ADAMTSL1: variants seen among roughly 807,000 people sequenced by gnomAD.
ADAMTSL1 encodes ADAMTS like 1.
ADAMTSL1 carries 126 observed loss-of-function variants against 201.8 expected under a neutral mutation model. That is an observed-to-expected ratio of 0.62 (90% confidence interval 0.54 to 0.72). ADAMTSL1 has a LOEUF of 0.72. Among genes scored for constraint, ADAMTSL1 ranks in the 30% least tolerant of loss-of-function variants. The pLI, the probability that ADAMTSL1 is intolerant of heterozygous loss-of-function variation, is 0.00. For synonymous variants in ADAMTSL1, 1,121 were observed against 903.4 expected, an observed-to-expected ratio of 1.24 and a Z score of -4.32; for missense variants, 2,679 against 2,277.8, an observed-to-expected ratio of 1.18 and a Z score of -3.59.
chr9:18,065,512 C>G (rs1386056771), intron 1 of ADAMTSL1, among the ~76,000 whole-genome samples: 1 of 152,132 alleles, frequency 6.6e-6, no homozygotes, highest in Non-Finnish European at 1.5e-5. Context: ...TAAAAGTGAA[C>G]TTTATATCAC....
At chr9:18,171,079 T>A (rs553162944) in intron 2 of ADAMTSL1, among the ~76,000 whole-genome samples, 14 of 152,078 alleles carry the variant, frequency 9.2e-5, no homozygotes, top group Non-Finnish European at 1.2e-4. Flanking sequence ...ATAACCAGAA[T>A]GATTTTGAAG....
At chr9:18,554,156 T>C (rs1175835263) in intron 3 of ADAMTSL1, among the ~76,000 whole-genome samples, 1 of 151,480 alleles carries the variant, frequency 6.6e-6, no homozygotes, top group African/African-American at 2.4e-5. Flanking sequence ...TGCATGTATA[T>C]GAGTTCTGTT....
chr9:18,099,432 C>G (rs1824417973), intron 1 of ADAMTSL1, among the ~76,000 whole-genome samples: 1 of 137,066 alleles, frequency 7.3e-6, no homozygotes, highest in Non-Finnish European at 1.5e-5. Context: ...GGTTCATATT[C>G]TCAGATATGA....
At chr9:18,598,837 A>C (rs954549736) in intron 4 of ADAMTSL1, among the ~76,000 whole-genome samples, 2 of 150,052 alleles carry the variant, frequency 1.3e-5, no homozygotes, top group African/African-American at 4.9e-5. Context: ...CAGCGTTACA[A>C]GTGATTTAAG....
intron 21 of ADAMTSL1, among the ~76,000 whole-genome samples, chr9:18,825,671 C>G (rs1386666781): frequency 6.6e-6 from 1 of 152,106 alleles, no homozygotes; most frequent in Non-Finnish European, 1.5e-5. Flanking sequence ...GGTCAAGACA[C>G]AGAGCATCGC....
rs144453631 is a variant in ADAMTSL1, at chr9:18,039,583, C to G, written c.88-124279C>G. Among the ~76,000 whole-genome samples the G allele has an allele frequency of 3.3e-3, 505 of 152,198 alleles. 4 individuals carry two copies. The highest frequency in any genetic ancestry group is 0.012 in the African/African-American group (479 of 41,516). On this transcript the variant is annotated intron_variant, in intron 1 of 29. Coordinates refer to the ADAMTSL1 transcript ENST00000680146. ...TTTTCACAAGGAGCTTTTCTTCTCA[C>G]AATGCATTGAGCAAATTAACTGAGT... is the stretch of plus-strand genomic sequence containing the variant.
chr9:18,395,888 T>C lies in ADAMTSL1; in HGVS notation c.208-108941T>C, dbSNP rs140533907. 2.2e-3 allele frequency among the ~76,000 whole-genome samples: 335 copies of C among 152,348 alleles called. 2 individuals are homozygous for C. Among genetic ancestry groups the C allele is most frequent in the Admixed American group, 3.2e-3 (49 of 15,288 alleles). On this transcript the variant is annotated intron_variant, in intron 2 of 29. Coordinates refer to the ADAMTSL1 transcript ENST00000680146. ...GTCATTTTTCTGCATGGGTAATATA[T>C]ACATCAAAGAGGAAGTACAAGACCC...
intron 2 of ADAMTSL1, among the ~76,000 whole-genome samples, chr9:18,511,641 A>G (rs1472392925): frequency 6.6e-6 from 1 of 152,200 alleles, no homozygotes; most frequent in Non-Finnish European, 1.5e-5. Context: ...AGGAAAGATC[A>G]TTCTAAAGGT....
intron 1 of ADAMTSL1, among the ~76,000 whole-genome samples, chr9:18,011,013 A>G (rs1053753041): frequency 5.3e-5 from 8 of 151,966 alleles, no homozygotes; most frequent in Admixed American, 2.0e-4. Context: ...GACATGGCCC[A>G]TGTGGCAAGT....
chr9:18,295,639 C>T (rs1163461613), intron 2 of ADAMTSL1, among the ~76,000 whole-genome samples: 2 of 152,134 alleles, frequency 1.3e-5, no homozygotes, highest in African/African-American at 2.4e-5. Flanking sequence ...TGCCCGGCTG[C>T]AACTGTTATT....
intron 2 of ADAMTSL1, among the ~76,000 whole-genome samples, chr9:18,428,600 C>T (rs1453503717): frequency 6.6e-6 from 1 of 151,938 alleles, no homozygotes; most frequent in Non-Finnish European, 1.5e-5. Context: ...AGCCAAGACC[C>T]TGTCTCAAAA....
intron 26 of ADAMTSL1, among the ~76,000 whole-genome samples, chr9:18,895,441 A>G (rs1301553498): frequency 3.0e-5 from 1 of 33,704 alleles, no homozygotes; most frequent in Non-Finnish European, 6.5e-5. Flanking sequence ...CCTCCCCCCA[A>G]TGTGGCATGG....
intron 2 of ADAMTSL1, among the ~76,000 whole-genome samples, chr9:18,391,878 G>A (rs1838064275): frequency 7.4e-6 from 1 of 135,406 alleles, no homozygotes; most frequent in East Asian, 2.3e-4. Context: ...AGCCTGGAGT[G>A]CAGTGGCATG....
intron 2 of ADAMTSL1, among the ~76,000 whole-genome samples, chr9:18,373,736 G>A (rs1417041): frequency 0.97 from 147,173 of 152,270 alleles, 71,262 homozygotes; most frequent in East Asian, 1. Context: ...AGGACATAGC[G>A]TTGTCCCATT....
chr9:18,318,757 T>G (rs778534151), intron 2 of ADAMTSL1, among the ~76,000 whole-genome samples: 5 of 152,294 alleles, frequency 3.3e-5, no homozygotes, highest in Admixed American at 6.5e-5. Context: ...TAGGCCATAC[T>G]TTTGGCAGTG....
Position 18,774,760 on chromosome 9 carries a change from G to A in ADAMTSL1, c.2398-983G>A, listed in dbSNP as rs567028714. Among the ~76,000 whole-genome samples the A allele has an allele frequency of 9.9e-5, 15 of 152,084 alleles. 1 individual carries two copies. The South Asian group carries it at 3.1e-3, about 32-fold the overall frequency. On this transcript the variant is annotated intron_variant, in intron 17 of 28. Transcript: ENST00000380548. ...AATAATATTCCACTGTATAGATATG[G>A]CATATTTTGTTTATTCATTCACCAG...
chr9:18,714,777 C>A (rs142029019), intron 14 of ADAMTSL1, among the ~76,000 whole-genome samples: 1 of 151,888 alleles, frequency 6.6e-6, no homozygotes, highest in South Asian at 2.1e-4. Flanking sequence ...ATACCAAAGC[C>A]GGGCAGAGAC....
chr9:18,274,212 T>C (rs1449625506), intron 2 of ADAMTSL1, among the ~76,000 whole-genome samples: 1 of 152,252 alleles, frequency 6.6e-6, no homozygotes, highest in Non-Finnish European at 1.5e-5. Flanking sequence ...TCTTTATCCC[T>C]ATCGCTACGC....
At chr9:18,235,469 A>G (rs1366625030) in intron 2 of ADAMTSL1, among the ~76,000 whole-genome samples, 1 of 152,182 alleles carries the variant, frequency 6.6e-6, no homozygotes, top group Non-Finnish European at 1.5e-5. Flanking sequence ...CCTCCCATGG[A>G]ACATATTTCC....
Sources: allele counts gnomAD v4.1 joint callset (sites outside exome capture counted in the v4.1 genomes callset), GRCh38; gene constraint gnomAD v4.1.1; transcripts MANE v1.5; gene names NCBI Gene and HGNC (gene_info 2026-07-23, HGNC 2026-07-21).